PTPRT: variants seen among roughly 807,000 people sequenced by gnomAD.
PTPRT encodes receptor-type tyrosine-protein phosphatase T.
In PTPRT, 56 loss-of-function variants were observed where a neutral mutation model predicts 176.8. The observed-to-expected ratio is 0.32, with a 90% CI of 0.26 to 0.40. The LOEUF is 0.40. Among genes scored for constraint, PTPRT ranks in the 10% least tolerant of loss-of-function variants. The probability of loss-of-function intolerance (pLI) is 1.00; values close to 1 mark genes in which losing one functional copy is unlikely to be tolerated. For missense variants in PTPRT, 1,540 were observed against 1,908.2 expected, an observed-to-expected ratio of 0.81 and a Z score of 3.60; for synonymous variants, 783 against 739.0, an observed-to-expected ratio of 1.06 and a Z score of -0.96.
intron 1 of PTPRT, among the ~76,000 whole-genome samples, chr20:42,941,267 A>G (rs764522186): frequency 1.1e-4 from 17 of 152,136 alleles, no homozygotes; most frequent in Admixed American, 3.9e-4. Flanking sequence ...CAGTTTCCTC[A>G]TCAATGAAAT....
chr20:43,070,032 G>A (rs2146268897), intron 1 of PTPRT, among the ~76,000 whole-genome samples: 1 of 152,298 alleles, frequency 6.6e-6, no homozygotes, highest in African/African-American at 2.4e-5. Flanking sequence ...AAAAGTCACA[G>A]ACAGGCAGCC....
chr20:42,402,178 C>A (rs2058915077), intron 9 of PTPRT, among the ~76,000 whole-genome samples: 1 of 152,106 alleles, frequency 6.6e-6, no homozygotes, highest in Admixed American at 6.6e-5. Context: ...GACAGAGACT[C>A]AGAGCCAGCC....
At chr20:42,143,693 C>T (rs1988736283) in intron 17 of PTPRT, among the ~76,000 whole-genome samples, 1 of 152,074 alleles carries the variant, frequency 6.6e-6, no homozygotes, top group Admixed American at 6.5e-5. Flanking sequence ...ACTTGGGTTG[C>T]CTCGGAAGCA....
chr20:42,191,072 C>A (rs934505032), intron 16 of PTPRT, among the ~76,000 whole-genome samples: 1 of 152,018 alleles, frequency 6.6e-6, no homozygotes, highest in Non-Finnish European at 1.5e-5. Flanking sequence ...AATTAATGCT[C>A]TGTATATAAT....
chr20:42,088,192 G>A (rs1332049871), intron 27 of PTPRT, among the ~76,000 whole-genome samples: 1 of 152,166 alleles, frequency 6.6e-6, no homozygotes, highest in East Asian at 1.9e-4. Flanking sequence ...TCATCTGGGG[G>A]TTACCCTGAA....
intron 14 of PTPRT, among the ~76,000 whole-genome samples, chr20:42,243,394 A>T (rs1273613292): frequency 1.3e-5 from 2 of 152,186 alleles, no homozygotes; most frequent in Non-Finnish European, 2.9e-5. Context: ...AATGAAGACT[A>T]GCATGTATGG....
chr20:42,776,981 A>G (rs950664717), intron 4 of PTPRT, among the ~76,000 whole-genome samples: 1 of 152,040 alleles, frequency 6.6e-6, no homozygotes, highest in Non-Finnish European at 1.5e-5. Flanking sequence ...TCTCACTCCC[A>G]CAAACCCAGA....
At position 43,058,536 on chromosome 20, in the gene PTPRT, C is replaced by G. The variant is rs182517902; in HGVS notation, c.88+131110G>C. 1.3e-3 allele frequency among the ~76,000 whole-genome samples: 195 copies of G among 152,292 alleles called. 1 individual carries two copies. The highest frequency in any genetic ancestry group is 4.4e-3 in the African/African-American group (182 of 41,544). On this transcript the variant is annotated intron_variant, in intron 1 of 30. Coordinates refer to ENST00000373187, the MANE Select transcript of PTPRT (RefSeq NM_007050.6). ...GATTCCAAATTTTAACACGGCCCCACACCATAGGCCCAGGCCTCTGTAACT... is the reference window on the plus strand; with the variant it reads ...GATTCCAAATTTTAACACGGCCCCAGACCATAGGCCCAGGCCTCTGTAACT...
intron 2 of PTPRT, among the ~76,000 whole-genome samples, chr20:42,862,852 G>A (rs748773700): frequency 1.1e-4 from 16 of 152,144 alleles, no homozygotes; most frequent in African/African-American, 3.6e-4. Flanking sequence ...GCAGGGGGTG[G>A]TCTTTTTAGC....
intron 9 of PTPRT, among the ~76,000 whole-genome samples, chr20:42,359,897 G>A (rs1369929460): frequency 6.6e-6 from 1 of 152,228 alleles, no homozygotes; most frequent in Admixed American, 6.5e-5. Flanking sequence ...CTCTAGCCTG[G>A]TGCGGACTTT....
intron 1 of PTPRT, among the ~76,000 whole-genome samples, chr20:42,983,495 C>T (rs1983391493): frequency 6.6e-6 from 1 of 152,220 alleles, no homozygotes; most frequent in Non-Finnish European, 1.5e-5. Context: ...GGTGTTCTGC[C>T]TCCCAAGTGA....
intron 27 of PTPRT, among the ~76,000 whole-genome samples, chr20:42,096,007 A>C (rs1219187194): frequency 6.6e-6 from 1 of 151,848 alleles, no homozygotes; most frequent in Non-Finnish European, 1.5e-5. Context: ...AATTGCCCAG[A>C]CTCAACTTCC....
rs115493001 is a variant in PTPRT at position 42,098,013 on chromosome 20, G to C, written c.3846+408C>G. On this transcript the variant is annotated intron_variant, in intron 27 of 30. Transcript: ENST00000373187. ...CAAGTCCCAGGCTCTGTCTGTACAG[G>C]CTGCATTGCAGAGGGGGAAGGGAGG... Among the ~76,000 whole-genome samples, 1,042 of 152,340 alleles carry C rather than the reference G, an allele frequency of 6.8e-3. 16 individuals are homozygous for C. Among genetic ancestry groups the C allele is most frequent in the African/African-American group, 0.024 (997 of 41,576 alleles).
intron 4 of PTPRT, among the ~76,000 whole-genome samples, chr20:42,773,935 T>C (rs2077097926): frequency 6.6e-6 from 1 of 152,202 alleles, no homozygotes; most frequent in Admixed American, 6.5e-5. Context: ...CAATGAATCT[T>C]TTCTGGATCA....
intron 1 of PTPRT, among the ~76,000 whole-genome samples, chr20:43,032,902 C>G (rs922657799): frequency 6.6e-6 from 1 of 152,158 alleles, no homozygotes; most frequent in Non-Finnish European, 1.5e-5. Context: ...GCATGATGTG[C>G]GATACAGAAT....
intron 1 of PTPRT, among the ~76,000 whole-genome samples, chr20:42,937,106 G>T (rs1353715655): frequency 6.6e-6 from 1 of 152,166 alleles, no homozygotes; most frequent in Non-Finnish European, 1.5e-5. Flanking sequence ...CGTTATGTGC[G>T]CATATCATAT....
chr20:43,110,752 G>C (rs765332466), intron 1 of PTPRT, among the ~76,000 whole-genome samples: 4 of 152,192 alleles, frequency 2.6e-5, no homozygotes, highest in African/African-American at 9.7e-5. Context: ...GTAGGCACTC[G>C]GGGTGAGAAG....
At chr20:42,202,735 T>C (rs1991502483) in intron 15 of PTPRT, among the ~76,000 whole-genome samples, 1 of 152,210 alleles carries the variant, frequency 6.6e-6, no homozygotes, top group African/African-American at 2.4e-5. Flanking sequence ...AGAGTTAACT[T>C]AAAACTATAA....
intron 1 of PTPRT, among the ~76,000 whole-genome samples, chr20:43,084,908 G>C (rs1016679918): frequency 6.6e-6 from 1 of 152,006 alleles, no homozygotes; most frequent in Non-Finnish European, 1.5e-5. Flanking sequence ...ATAAGCAACA[G>C]GTATTTGCTT....
Sources: gnomAD v4.1 joint callset for allele counts (sites outside exome capture counted in the v4.1 genomes callset) on GRCh38, gnomAD v4.1.1 for gene constraint, MANE v1.5 for transcripts, NCBI Gene and HGNC (gene_info 2026-07-23, HGNC 2026-07-21) for gene names.